The following TCF20 variants were observed in gnomAD, a reference collection of about 807,000 sequenced individuals.
TCF20 encodes SPRE-binding protein.
Under a neutral mutation model 148.6 loss-of-function variants are expected in TCF20, and 3 were observed. The observed-to-expected ratio is 0.02, with a 90% CI of 0.01 to 0.05. The LOEUF is 0.05. Among genes scored for constraint, TCF20 ranks in the 10% least tolerant of loss-of-function variants. The pLI is 1.00. For synonymous variants in TCF20, 1,049 were observed against 909.5 expected (o/e 1.15, Z -2.76); for missense variants, 2,350 against 2,429.3 (o/e 0.97, Z 0.69).
chr22:42,209,075 T>C (rs953507616), intron 2 of TCF20, among the ~76,000 whole-genome samples: 1 of 152,172 alleles, frequency 6.6e-6, no homozygotes, highest in Admixed American at 6.5e-5. Flanking sequence ...TGCAAGACAG[T>C]GAGAGAAAAA....
intron 1 of TCF20, among the ~76,000 whole-genome samples, chr22:42,316,133 T>C (rs1399172959): frequency 1.4e-5 from 2 of 140,588 alleles, no homozygotes; most frequent in Non-Finnish European, 3.1e-5. Flanking sequence ...AAAAAAAAGA[T>C]TTAAAGACAA....
Position 42,213,121 on chromosome 22 carries a change from T to C in TCF20, c.2185A>G (p.Thr729Ala), listed in dbSNP as rs576883281. The C allele has an allele frequency of 4.3e-6, 7 of 1,614,192 alleles. No homozygotes were observed. The highest frequency in any genetic ancestry group is 8.5e-7 in the Non-Finnish European group (1 of 1,180,028). ...RNVSGFPQYPTGQEKGDFTGH... is the reference protein window; with the variant it reads ...RNVSGFPQYPAGQEKGDFTGH... ...GTGAAATCTCCCTTTTCTTGCCCTGTAGGATACTGAGGAAAGCCACTGACA... is the reference window on the plus strand; with the variant it reads ...GTGAAATCTCCCTTTTCTTGCCCTGCAGGATACTGAGGAAAGCCACTGACA... The change falls in exon 2 of 6, where the codon ACA becomes GCA. Residue 729 changes from threonine (T) to alanine (A), a missense_variant. Coordinates refer to ENST00000677622, the MANE Select transcript of TCF20 (RefSeq NM_001378418.1).
intron 1 of TCF20, among the ~76,000 whole-genome samples, chr22:42,219,154 T>A (rs890887616): frequency 1.3e-5 from 2 of 150,486 alleles, no homozygotes; most frequent in East Asian, 3.9e-4. Context: ...GAGGCTGAGG[T>A]GTGAGGATCG....
intron 3 of TCF20, among the ~76,000 whole-genome samples, chr22:42,170,357 G>C (rs1311082908): frequency 6.7e-6 from 1 of 149,300 alleles, no homozygotes; most frequent in Non-Finnish European, 1.5e-5. Context: ...AAAAAATACT[G>C]AAAGGCTGGG....
At chr22:42,326,165 G>A (rs1042149441) in intron 1 of TCF20, among the ~76,000 whole-genome samples, 1 of 152,084 alleles carries the variant, frequency 6.6e-6, no homozygotes, top group Non-Finnish European at 1.5e-5. Flanking sequence ...ACCAGTCAAC[G>A]CAGGATGTAA....
intron 1 of TCF20, among the ~76,000 whole-genome samples, chr22:42,260,746 A>C (rs1432999676): frequency 6.6e-6 from 1 of 152,100 alleles, no homozygotes; most frequent in African/African-American, 2.4e-5. Context: ...AGCCTCCCAA[A>C]GTGCTGGGAT....
At chr22:42,225,262 C>T (rs909888240) in intron 1 of TCF20, among the ~76,000 whole-genome samples, 15 of 152,082 alleles carry the variant, frequency 9.9e-5, no homozygotes, top group African/African-American at 1.4e-4. Context: ...TCCCAAAGTG[C>T]TGCGATTACA....
intron 1 of TCF20, among the ~76,000 whole-genome samples, chr22:42,223,074 G>A (rs1437108651): frequency 1.3e-5 from 2 of 152,178 alleles, no homozygotes; most frequent in African/African-American, 4.8e-5. Context: ...ACTTGAGCCT[G>A]GGAGGCAGAG....
chr22:42,189,317 G>A (rs1481874926), intron 2 of TCF20, among the ~76,000 whole-genome samples: 1 of 152,218 alleles, frequency 6.6e-6, no homozygotes, highest in African/African-American at 2.4e-5. Context: ...ACAGTGGACA[G>A]GGAGCCCTCT....
Position 42,340,505 on chromosome 22 carries a change from G to A in TCF20, c.-37+2974C>T, listed in dbSNP as rs775120164. ...GAAAACTGAGGCTCAGAGGGCCCAG[G>A]GCCTCCTGGGAGGTGGCAGCACCAG... On this transcript the variant is annotated intron_variant, in intron 1 of 1. Coordinates refer to the TCF20 transcript ENST00000515426. 2.6e-4 allele frequency among the ~76,000 whole-genome samples: 40 copies of A among 152,132 alleles called. 1 individual carries two copies. The highest frequency in any genetic ancestry group is 3.8e-4 in the Non-Finnish European group (26 of 68,030).
chr22:42,324,058 G>GGAGGTTA (rs1569209852), intron 1 of TCF20, among the ~76,000 whole-genome samples: 84 of 83,846 alleles, frequency 1.0e-3, no homozygotes, highest in South Asian at 3.9e-3. Flanking sequence ...GGTGGTGGTG[G>GGAGGTTA]TGATGGAGGT....
At chr22:42,323,542 C>T (rs115890776) in intron 1 of TCF20, among the ~76,000 whole-genome samples, 1,794 of 151,786 alleles carry the variant, frequency 0.012, 36 homozygotes, top group African/African-American at 0.041. Flanking sequence ...GCAGCTGACC[C>T]GAGCCATGCA....
chr22:42,324,634 C>A lies in TCF20; in HGVS notation c.-37+18845G>T, dbSNP rs957753938. On this transcript the variant is annotated intron_variant, in intron 1 of 1. Transcript: ENST00000515426. ...AATCTCCACCATCCGAGAAAATAATCTCCACCATTCGAGAAAAAATAATCT... is the reference window on the plus strand; with the variant it reads ...AATCTCCACCATCCGAGAAAATAATATCCACCATTCGAGAAAAAATAATCT... Among the ~76,000 whole-genome samples the A allele has an allele frequency of 2.0e-5, 3 of 151,806 alleles. No individual in the cohort carries two copies. The South Asian group carries it at 6.2e-4, about 32-fold the overall frequency.
chr22:42,257,888 T>C (rs918170311), intron 1 of TCF20, among the ~76,000 whole-genome samples: 1 of 152,226 alleles, frequency 6.6e-6, no homozygotes. Flanking sequence ...TATTCTGTTT[T>C]GATATAACAC....
chr22:42,260,809 G>A (rs771455803), intron 1 of TCF20, among the ~76,000 whole-genome samples: 2 of 152,102 alleles, frequency 1.3e-5, no homozygotes, highest in South Asian at 2.1e-4. Flanking sequence ...AATATAACGC[G>A]AACAGAACCT....
At chr22:42,271,774 C>T (rs960014399), upstream of TCF20, among the ~76,000 whole-genome samples, 21 of 152,304 alleles carry the variant, frequency 1.4e-4, no homozygotes, top group South Asian at 4.1e-4. Context: ...TCTCCTGAAG[C>T]AACCCAACTT....
rs1164082563 is a variant in TCF20 at position 42,338,294 on chromosome 22, A to C, written c.-37+5185T>G. ...TTTCGTCTGAATGGAGGTCGGCTGC[A>C]CAGAGGAAACTACACGTGCTGGGTG... On this transcript the variant is annotated intron_variant, in intron 1 of 1. Coordinates refer to the TCF20 transcript ENST00000515426. This position sits in a 1 kb window ranked among gnomAD's most constrained non-coding sequence, Gnocchi z 4.0. Among the ~76,000 whole-genome samples, 1 of 152,228 alleles carries C rather than the reference A, an allele frequency of 6.6e-6. No homozygotes were observed. Among genetic ancestry groups the C allele is most frequent in the African/African-American group, 2.4e-5 (1 of 41,466 alleles).
chr22:42,256,677 G>A (rs1925763381), intron 1 of TCF20, among the ~76,000 whole-genome samples: 1 of 152,102 alleles, frequency 6.6e-6, no homozygotes. Flanking sequence ...CAAAAAAGTA[G>A]CATTAAGTTC....
At chr22:42,162,629 T>G (rs1290153279) in intron 5 of TCF20, among the ~76,000 whole-genome samples, 2 of 152,184 alleles carry the variant, frequency 1.3e-5, no homozygotes, top group Non-Finnish European at 2.9e-5. Flanking sequence ...GCCTTGCCCC[T>G]CCTTCACTTG....
Sources: allele counts gnomAD v4.1 joint callset (sites outside exome capture counted in the v4.1 genomes callset), GRCh38; gene constraint gnomAD v4.1.1; non-coding constraint Gnocchi (gnomAD v3.1); transcripts MANE v1.5; gene names NCBI Gene and HGNC (gene_info 2026-07-23, HGNC 2026-07-21).